The following SEZ6L variants were observed in gnomAD, a reference collection of about 807,000 sequenced individuals.
The protein encoded by SEZ6L is seizure 6-like protein.
Under a neutral mutation model 106.2 loss-of-function variants are expected in SEZ6L, and 37 were observed. That is an observed-to-expected ratio of 0.35 (90% CI 0.27 to 0.46). The LOEUF is 0.46. Ranked by LOEUF, SEZ6L falls within the 20% of genes least tolerant of loss-of-function variation. The pLI, the probability that SEZ6L is intolerant of heterozygous loss-of-function variation, is 1.00. For missense variants in SEZ6L, 1,172 were observed against 1,332.8 expected (o/e 0.88, Z 1.88); for synonymous variants, 541 against 570.4 (o/e 0.95, Z 0.73).
At chr22:26,221,199 C>A (rs768444843) in intron 1 of SEZ6L, among the ~76,000 whole-genome samples, 4 of 152,006 alleles carry the variant, frequency 2.6e-5, no homozygotes, top group Non-Finnish European at 4.4e-5. Flanking sequence ...ACCTGACCTT[C>A]CCTTCATCCT....
chr22:26,273,681 G>C lies in SEZ6L; in HGVS notation c.95-18725G>C, dbSNP rs530496578. On this transcript the variant is annotated intron_variant, in intron 1 of 16. Coordinates refer to ENST00000248933, the MANE Select transcript of SEZ6L (RefSeq NM_021115.5). ...GCCCAGTGAGAACGTTGACTCTGGA[G>C]GAAGAGGGTAGAGATGATGTGTTAT... Among the ~76,000 whole-genome samples the C allele has an allele frequency of 3.3e-5, 5 of 152,338 alleles. No homozygotes were observed. In the East Asian group the frequency reaches 9.6e-4, roughly 29 times the overall value.
At chr22:26,253,346 G>A (rs918598312) in intron 1 of SEZ6L, among the ~76,000 whole-genome samples, 2 of 152,128 alleles carry the variant, frequency 1.3e-5, no homozygotes, top group African/African-American at 4.8e-5. Context: ...AACCTTTATT[G>A]TTGGTGGTAC....
chr22:26,377,507 T>C (rs966542476), intron 15 of SEZ6L, among the ~76,000 whole-genome samples, 166 bp from the exon 16 acceptor site: 7 of 152,156 alleles, frequency 4.6e-5, no homozygotes, highest in Admixed American at 3.9e-4. Context: ...GATTTCTGCT[T>C]TCACCTCACT....
Position 26,186,159 on chromosome 22 carries a change from C to T in SEZ6L, c.94+16396C>T, listed in dbSNP as rs117717961. ...TTCCGCTCCTACACTTGCAGGGGAA[C>T]GGCTGAGCCAGGGACCTGTGGACAC... On this transcript the variant is annotated intron_variant, in intron 1 of 16. Transcript: ENST00000248933. 8.4e-4 allele frequency among the ~76,000 whole-genome samples: 127 copies of T among 152,078 alleles called. 1 individual carries two copies. Among genetic ancestry groups the T allele is most frequent in the Non-Finnish European group, 1.7e-3 (113 of 68,000 alleles).
chr22:26,230,208 A>G (rs527919531), intron 1 of SEZ6L, among the ~76,000 whole-genome samples: 7 of 152,180 alleles, frequency 4.6e-5, no homozygotes, highest in African/African-American at 7.2e-5. Flanking sequence ...ACCCAGAGGC[A>G]GAGCTAGCAG....
At chr22:26,248,566 A>T in intron 1 of SEZ6L, among the ~76,000 whole-genome samples, 1 of 152,222 alleles carries the variant, frequency 6.6e-6, no homozygotes, top group Non-Finnish European at 1.5e-5. Flanking sequence ...AATGAGGTTC[A>T]GAGAGGTAAA....
At chr22:26,215,414 C>T (rs966977244) in intron 1 of SEZ6L, among the ~76,000 whole-genome samples, 1 of 152,174 alleles carries the variant, frequency 6.6e-6, no homozygotes, top group African/African-American at 2.4e-5. Context: ...TGGTGAGGTC[C>T]TGGTCTTCTT....
intron 1 of SEZ6L, among the ~76,000 whole-genome samples, chr22:26,175,428 C>A (rs1186504561): frequency 6.6e-6 from 1 of 152,108 alleles, no homozygotes; most frequent in East Asian, 1.9e-4. Context: ...AGGTTTAAAT[C>A]CTTGGTGCCT....
intron 1 of SEZ6L, among the ~76,000 whole-genome samples, chr22:26,238,597 A>G (rs2079020494): frequency 6.6e-6 from 1 of 152,250 alleles, no homozygotes; most frequent in Non-Finnish European, 1.5e-5. Context: ...TAACAGCTGT[A>G]GCAATAATAG....
intron 9 of SEZ6L, among the ~76,000 whole-genome samples, chr22:26,324,502 A>C (rs1056964949): frequency 6.6e-6 from 1 of 152,208 alleles, no homozygotes; most frequent in Non-Finnish European, 1.5e-5. Context: ...TCAGTTCTTC[A>C]AACAGAGATA....
chr22:26,221,061 T>C (rs1417551742), intron 1 of SEZ6L, among the ~76,000 whole-genome samples: 10 of 151,668 alleles, frequency 6.6e-5, no homozygotes, highest in Admixed American at 6.6e-4. Context: ...GAGGAAAAAG[T>C]AGGGATGGAG....
At chr22:26,253,342 T>C (rs965448610) in intron 1 of SEZ6L, among the ~76,000 whole-genome samples, 1 of 152,200 alleles carries the variant, frequency 6.6e-6, no homozygotes, top group African/African-American at 2.4e-5. Flanking sequence ...CTGGAACCTT[T>C]ATTGTTGGTG....
At chr22:26,245,500 G>A (rs1036131493) in intron 1 of SEZ6L, among the ~76,000 whole-genome samples, 3 of 152,138 alleles carry the variant, frequency 2.0e-5, no homozygotes, top group Non-Finnish European at 2.9e-5. Flanking sequence ...ACACCATGGG[G>A]ACTTGGGCCA....
chr22:26,231,133 C>G (rs1328532345), intron 1 of SEZ6L, among the ~76,000 whole-genome samples: 1 of 152,224 alleles, frequency 6.6e-6, no homozygotes, highest in Non-Finnish European at 1.5e-5. Flanking sequence ...GCCCGGCTAC[C>G]CCATAATAGT....
chr22:26,263,497 G>A (rs1049818601), intron 1 of SEZ6L, among the ~76,000 whole-genome samples: 2 of 152,324 alleles, frequency 1.3e-5, no homozygotes, highest in Non-Finnish European at 2.9e-5. Flanking sequence ...TGAATGAAAA[G>A]TTCTGTGACT....
At position 26,310,568 on chromosome 22, in the gene SEZ6L, G is replaced by A. The variant is rs1424690790; in HGVS notation, c.1515-102G>A. 2.1e-5 allele frequency: 27 copies of A among 1,291,202 alleles called. No individual in the cohort carries two copies. The East Asian group carries it at 3.3e-4, about 16-fold the overall frequency. 80.0% of individuals were successfully genotyped at this position (1,291,202 alleles called of 1,614,324 possible). On this transcript the variant is annotated intron_variant, in intron 6 of 16. Coordinates refer to ENST00000248933, the MANE Select transcript of SEZ6L (RefSeq NM_021115.5). ...AGAGGCAGAGTTAGGTTTGGGATCC[G>A]GTAATGAGGCTCCAGAGGCAGTCGT...
chr22:26,311,293 C>T (rs1275449511), intron 7 of SEZ6L, among the ~76,000 whole-genome samples: 5 of 152,314 alleles, frequency 3.3e-5, no homozygotes, highest in African/African-American at 9.6e-5. Context: ...CCACTTCTTC[C>T]TCCAAGAAGA....
chr22:26,297,093 C>A lies in SEZ6L; in HGVS notation c.1162+13C>A. On this transcript the variant is annotated intron_variant, in intron 4 of 16. Transcript: ENST00000248933. ...CTTCACTACCAGGGTAGGGTCAGGC[C>A]AAGGCTGATGAAACATAGGCGTTTG... 2 of 1,579,240 alleles carry A rather than the reference C, an allele frequency of 1.3e-6. No homozygotes were observed. The highest frequency in any genetic ancestry group is 1.7e-6 in the Non-Finnish European group (2 of 1,160,814).
intron 12 of SEZ6L, among the ~76,000 whole-genome samples, chr22:26,359,652 T>C (rs2146042176): frequency 6.6e-6 from 1 of 151,846 alleles, no homozygotes. Flanking sequence ...AAAAAATTTT[T>C]AAATTAGCCA....
Sources: gnomAD v4.1 joint callset for allele counts (sites outside exome capture counted in the v4.1 genomes callset) on GRCh38, gnomAD v4.1.1 for gene constraint, MANE v1.5 for transcripts, NCBI Gene and HGNC (gene_info 2026-07-23, HGNC 2026-07-21) for gene names.